EPHX1: variants seen among roughly 807,000 people sequenced by gnomAD.
The protein encoded by EPHX1 is epoxide hydrolase 1, also known as epoxide hydratase.
A neutral mutation model predicts 43.2 loss-of-function variants in EPHX1; 40 were observed. The observed-to-expected ratio is 0.93, with a 90% CI of 0.72 to 1.21. The LOEUF (loss-of-function observed/expected upper bound fraction) is 1.21, where lower values mean the gene tolerates loss of function less well. Among genes scored for constraint, EPHX1 ranks in the 50% most tolerant of loss-of-function variants. EPHX1 has a pLI of 0.00. For synonymous variants in EPHX1, 221 were observed against 226.7 expected, an observed-to-expected ratio of 0.98 and a Z score of 0.22; for missense variants, 550 against 570.4, an observed-to-expected ratio of 0.96 and a Z score of 0.36.
At chr1:225,840,999 C>T (rs1477740847) in intron 6 of EPHX1, 1 of 152,310 alleles carries the variant, frequency 6.6e-6, no homozygotes, top group East Asian at 1.9e-4. Flanking sequence ...TCTCATATAA[C>T]CTCTTCTCCC....
chr1:225,840,642 T>C (rs1433238386), intron 6 of EPHX1, among the ~76,000 whole-genome samples: 2 of 152,214 alleles, frequency 1.3e-5, no homozygotes, highest in East Asian at 3.8e-4. Context: ...TGGGACAAAA[T>C]TCATTTGCCT....
chr1:225,819,083 C>T (rs192583729), intron 1 of EPHX1, among the ~76,000 whole-genome samples: 29,542 of 49,820 alleles, frequency 0.59, 8,653 homozygotes, highest in East Asian at 1. Context: ...AAAAATTAGC[C>T]GGGCGTAGTG....
At chr1:225,837,746 C>T (rs1668044248) in intron 3 of EPHX1, among the ~76,000 whole-genome samples, 1 of 152,146 alleles carries the variant, frequency 6.6e-6, no homozygotes. Context: ...TCTTGAGCTC[C>T]TGACCTTAGG....
intron 1 of EPHX1, among the ~76,000 whole-genome samples, chr1:225,815,491 G>A (rs1051187953): frequency 3.4e-5 from 5 of 146,808 alleles, no homozygotes; most frequent in African/African-American, 1.3e-4. Context: ...GGGCTCAAGC[G>A]ATCCACCTGC....
intron 1 of EPHX1, among the ~76,000 whole-genome samples, chr1:225,818,206 G>A (rs938982012): frequency 5.9e-5 from 9 of 152,110 alleles, no homozygotes; most frequent in African/African-American, 2.2e-4. Context: ...CAAAAGTTCT[G>A]ATTAATTTTC....
chr1:225,830,070 T>G lies in EPHX1; in HGVS notation c.183+1158T>G, dbSNP rs951895191. Among the ~76,000 whole-genome samples, 5 of 151,932 alleles carry G rather than the reference T, an allele frequency of 3.3e-5. No homozygotes were observed. In the East Asian group the frequency reaches 7.7e-4, roughly 23 times the overall value. ...TCTAGCCTGGGCAACAAGAGTGAAA[T>G]GCCATCTCAAAAAAAGAAACAGATG... On this transcript the variant is annotated intron_variant, in intron 2 of 8. Coordinates refer to ENST00000272167, the MANE Select transcript of EPHX1 (RefSeq NM_001136018.4).
chr1:225,838,568 CAA>C (rs1668092376), intron 3 of EPHX1, 84 bp from the exon 4 acceptor site: 3 of 1,211,810 alleles, frequency 2.5e-6, no homozygotes, highest in Non-Finnish European at 2.4e-6. Flanking sequence ...TGGCAGGACT[CAA>C]TATCTAGGCT....
chr1:225,839,731 C>T (rs534356479), intron 5 of EPHX1, 98 bp from the exon 6 acceptor site: 24 of 1,308,278 alleles, frequency 1.8e-5, no homozygotes, highest in South Asian at 5.9e-5. Flanking sequence ...GCTCTGTGCT[C>T]GCTCCTCAGC....
chr1:225,839,075 A>G (rs1311077286), intron 4 of EPHX1, 142 bp from the exon 5 acceptor site: 2 of 1,437,248 alleles, frequency 1.4e-6, no homozygotes, highest in Non-Finnish European at 1.9e-6. Flanking sequence ...TTTGGGCTCC[A>G]GGATTCCTTC....
chr1:225,812,202 G>A (rs547623417), intron 1 of EPHX1, among the ~76,000 whole-genome samples: 1 of 152,338 alleles, frequency 6.6e-6, no homozygotes, highest in South Asian at 2.1e-4. Context: ...CAGTCTGTAA[G>A]TGAGGGGACT....
At chr1:225,831,319 C>T (rs1667576645) in intron 2 of EPHX1, among the ~76,000 whole-genome samples, 1 of 152,168 alleles carries the variant, frequency 6.6e-6, no homozygotes, top group African/African-American at 2.4e-5. Context: ...GAGGCCAAGG[C>T]AGACAGATCA....
At position 225,831,855 on chromosome 1, in the gene EPHX1, C is replaced by T. The variant is rs751180258; in HGVS notation, c.260C>T (p.Ser87Phe). 70 of 1,614,076 alleles carry T rather than the reference C, an allele frequency of 4.3e-5. No individual in the cohort carries two copies. Among genetic ancestry groups the T allele is most frequent in the Non-Finnish European group, 5.7e-5 (67 of 1,180,040 alleles). Reference protein sequence around the residue: ...EDSCFHYGFNSNYLKKVISYW... With the variant: ...EDSCFHYGFNFNYLKKVISYW... Reference sequence around the variant, plus strand: ...AGCTGCTTCCACTATGGCTTCAACTCCAACTACCTGAAGAAAGTCATCTCC... The same window carrying T: ...AGCTGCTTCCACTATGGCTTCAACTTCAACTACCTGAAGAAAGTCATCTCC... Residue 87 changes from serine to phenylalanine, a missense_variant, in exon 3 of 9, where the codon TCC becomes TTC. Physicochemically the swap from Ser to Phe is radical, Grantham distance 155. Transcript: ENST00000272167.
intron 1 of EPHX1, among the ~76,000 whole-genome samples, chr1:225,824,813 G>A (rs1385040124): frequency 6.6e-6 from 1 of 152,158 alleles, no homozygotes; most frequent in South Asian, 2.1e-4. Flanking sequence ...AGGCGGCAGC[G>A]GGGTTGGAAA....
chr1:225,822,151 T>C lies in EPHX1; in HGVS notation c.-5-6574T>C, dbSNP rs563045750. Among the ~76,000 whole-genome samples the C allele has an allele frequency of 4.7e-4, 71 of 152,274 alleles. 4 individuals are homozygous for C. The highest frequency in any genetic ancestry group is 1.7e-3 in the African/African-American group (70 of 41,564). On this transcript the variant is annotated intron_variant, in intron 1 of 8. Transcript: ENST00000272167. ...TTAAAATGTATGCAATCCCATTTCT[T>C]ACAGTAGGAGCCAAATGTTCATCAA...
chr1:225,812,452 T>A (rs992775617), intron 1 of EPHX1, among the ~76,000 whole-genome samples: 1 of 152,174 alleles, frequency 6.6e-6, no homozygotes, highest in African/African-American at 2.4e-5. Flanking sequence ...GAGGGACCTT[T>A]GCAGAAAGGG....
Position 225,845,356 on chromosome 1 carries a change from T to TCTCCCCCCGCCTGCCAC in EPHX1, c.*18_*34dup. 2 of 1,445,532 alleles carry TCTCCCCCCGCCTGCCAC rather than the reference T, an allele frequency of 1.4e-6. No homozygotes were observed. Among genetic ancestry groups the TCTCCCCCCGCCTGCCAC allele is most frequent in the Admixed American group, 2.0e-5 (1 of 49,168 alleles). 89.5% of individuals were successfully genotyped at this position (1,445,532 alleles called of 1,614,324 possible). The stretch of plus-strand genomic sequence containing the variant: ...TGCTGGAGCGGCAATGACCCACCCC[T>TCTCCCCCCGCCTGCCAC]CTCCCCCCGCCTGCCACCTCCCCCC... On this transcript the variant is annotated 3_prime_UTR_variant, in exon 9 of 9. Transcript: ENST00000272167.
At chr1:225,844,186 A>G (rs1668694127) in intron 7 of EPHX1, among the ~76,000 whole-genome samples, 1 of 151,424 alleles carries the variant, frequency 6.6e-6, no homozygotes, top group Non-Finnish European at 1.5e-5. Context: ...TGCCCTGAGC[A>G]GTTTCACGGT....
At chr1:225,821,130 G>T (rs570691351) in intron 1 of EPHX1, among the ~76,000 whole-genome samples, 3 of 152,078 alleles carry the variant, frequency 2.0e-5, no homozygotes, top group Non-Finnish European at 4.4e-5. Context: ...AAAATGAATT[G>T]TATGTTTTAA....
rs1364453923 is a variant in EPHX1, at chr1:225,838,743, G to A, written c.454G>A (p.Gly152Ser). The change falls in exon 4 of 9, where the codon GGC becomes AGC. Residue 152 changes from glycine to serine, a missense_variant. Gly to Ser is a moderately conservative substitution (Grantham distance 56, BLOSUM62 0). Coordinates refer to ENST00000272167, the MANE Select transcript of EPHX1 (RefSeq NM_001136018.4). ...CTTGCTGATGGTGCACGGCTGGCCCGGCTCTTTCTACGAGTTTTATAAGAT... is the reference window on the plus strand; with the variant it reads ...CTTGCTGATGGTGCACGGCTGGCCCAGCTCTTTCTACGAGTTTTATAAGAT... ...KPLLMVHGWP[G>S]SFYEFYKIIP... The A allele has an allele frequency of 8.1e-6, 13 of 1,614,036 alleles. No individual in the cohort carries two copies. Among genetic ancestry groups the A allele is most frequent in the African/African-American group, 8.0e-5 (6 of 74,926 alleles).
Sources: allele counts gnomAD v4.1 joint callset (sites outside exome capture counted in the v4.1 genomes callset), GRCh38; gene constraint gnomAD v4.1.1; transcripts MANE v1.5; gene names NCBI Gene and HGNC (gene_info 2026-07-23, HGNC 2026-07-21).